CTNND2: variants seen among roughly 807,000 people sequenced by gnomAD.
CTNND2 encodes the protein catenin delta-2.
CTNND2 carries 22 observed loss-of-function variants against 144.4 expected under a neutral mutation model. That is an observed-to-expected ratio of 0.15 (90% CI 0.11 to 0.22). CTNND2 has a LOEUF of 0.22. CTNND2 is among the 10% of genes least tolerant of loss of function. The pLI, the probability that CTNND2 is intolerant of heterozygous loss-of-function variation, is 1.00. For synonymous variants in CTNND2, 751 were observed against 695.6 expected (o/e 1.08, Z -1.25); for missense variants, 1,353 against 1,618.8 (o/e 0.84, Z 2.82).
At chr5:11,577,960 C>T (rs1380706335) in intron 2 of CTNND2, among the ~76,000 whole-genome samples, 13 of 152,310 alleles carry the variant, frequency 8.5e-5, no homozygotes, top group Admixed American at 5.9e-4. Context: ...TCCCTGTCAA[C>T]AGTAGAGCTT....
At chr5:11,880,673 T>C (rs1459145680) in intron 1 of CTNND2, among the ~76,000 whole-genome samples, 2 of 104,218 alleles carry the variant, frequency 1.9e-5, no homozygotes, top group African/African-American at 7.7e-5. Context: ...CTACTACTAC[T>C]CTACCACTAC....
At chr5:11,248,804 A>G (rs540108298) in intron 9 of CTNND2, among the ~76,000 whole-genome samples, 2 of 152,356 alleles carry the variant, frequency 1.3e-5, no homozygotes, top group East Asian at 1.9e-4. Flanking sequence ...AATGTGAACC[A>G]TGAACACATA....
intron 12 of CTNND2, among the ~76,000 whole-genome samples, chr5:11,139,633 T>C (rs1416662007): frequency 6.6e-6 from 1 of 152,236 alleles, no homozygotes; most frequent in Non-Finnish European, 1.5e-5. Flanking sequence ...CTCTGCTCCC[T>C]GAGTGCTGAG....
intron 2 of CTNND2, among the ~76,000 whole-genome samples, chr5:11,648,643 T>C (rs1308428107): frequency 6.6e-6 from 1 of 152,178 alleles, no homozygotes; most frequent in Non-Finnish European, 1.5e-5. Context: ...CTTAGCACTA[T>C]TTATTTAATT....
At chr5:11,717,239 T>A (rs1441579053) in intron 2 of CTNND2, among the ~76,000 whole-genome samples, 3 of 152,088 alleles carry the variant, frequency 2.0e-5, no homozygotes, top group Non-Finnish European at 4.4e-5. Flanking sequence ...AAAATGAGTT[T>A]CACCTTACTC....
chr5:11,149,698 G>C (rs912725471), intron 12 of CTNND2, among the ~76,000 whole-genome samples: 1 of 152,116 alleles, frequency 6.6e-6, no homozygotes, highest in Non-Finnish European at 1.5e-5. Flanking sequence ...TTATGTAGCA[G>C]ACTGAAAAAC....
chr5:11,129,307 T>TATAATATATATA (rs1181916324), intron 12 of CTNND2, among the ~76,000 whole-genome samples: 38 of 96,884 alleles, frequency 3.9e-4, no homozygotes, highest in African/African-American at 1.5e-3. Flanking sequence ...ATATATTATA[T>TATAATATATATA]ATATAAATAT....
chr5:11,159,891 G>A, intron 11 of CTNND2, 132 bp from the exon 12 acceptor site: 1 of 635,564 alleles, frequency 1.6e-6, no homozygotes, highest in Non-Finnish European at 2.6e-6. Flanking sequence ...CCTAGAGTGT[G>A]TCCTTAATTT....
intron 6 of CTNND2, among the ~76,000 whole-genome samples, chr5:11,388,195 T>C (rs1274594873): frequency 6.6e-6 from 1 of 152,242 alleles, no homozygotes; most frequent in Non-Finnish European, 1.5e-5. Flanking sequence ...TATTGTCCAC[T>C]GTGTACTAAA....
chr5:11,426,792 C>G (rs996338142), intron 3 of CTNND2, among the ~76,000 whole-genome samples: 6 of 152,166 alleles, frequency 3.9e-5, no homozygotes, highest in African/African-American at 1.2e-4. Flanking sequence ...CTTTCTTACT[C>G]AGGTTAGCCA....
At chr5:11,783,709 G>C (rs1790681307) in intron 1 of CTNND2, among the ~76,000 whole-genome samples, 1 of 152,194 alleles carries the variant, frequency 6.6e-6, no homozygotes, top group Admixed American at 6.5e-5. Context: ...CAATGGAGGA[G>C]AAACTTCTTT....
chr5:11,251,158 T>C (rs1200565878), intron 9 of CTNND2, among the ~76,000 whole-genome samples: 1 of 152,224 alleles, frequency 6.6e-6, no homozygotes, highest in Non-Finnish European at 1.5e-5. Context: ...GCCGGAGTGT[T>C]TCGGCTGCTT....
chr5:11,008,941 C>T (rs530256170), intron 18 of CTNND2, among the ~76,000 whole-genome samples: 3 of 152,268 alleles, frequency 2.0e-5, no homozygotes, highest in African/African-American at 7.2e-5. Flanking sequence ...AGATTCAGTG[C>T]CAGAGGTGAA....
rs150868341 is a variant in CTNND2, at chr5:11,616,523, C to T, written c.175-51467G>A. 6.2e-3 allele frequency among the ~76,000 whole-genome samples: 936 copies of T among 151,894 alleles called. 4 individuals are homozygous for T. Among genetic ancestry groups the T allele is most frequent in the Non-Finnish European group, 9.9e-3 (672 of 67,958 alleles). ...ATTTCTACCTGTTTTTCCTTCCTTCCTTGCTTCCTTCCTTCCTTGCTTCCT... is the reference window on the plus strand; with the variant it reads ...ATTTCTACCTGTTTTTCCTTCCTTCTTTGCTTCCTTCCTTCCTTGCTTCCT... On this transcript the variant is annotated intron_variant, in intron 2 of 21. Coordinates refer to ENST00000304623, the MANE Select transcript of CTNND2 (RefSeq NM_001332.4).
chr5:11,736,573 C>T (rs917707875), intron 1 of CTNND2, among the ~76,000 whole-genome samples: 5 of 152,082 alleles, frequency 3.3e-5, no homozygotes, highest in Non-Finnish European at 7.4e-5. Flanking sequence ...GAGAGGAAAC[C>T]ACAAAAGACC....
chr5:11,457,822 T>A (rs34892202), intron 3 of CTNND2, among the ~76,000 whole-genome samples: 20 of 152,220 alleles, frequency 1.3e-4, no homozygotes, highest in Admixed American at 9.8e-4. Flanking sequence ...ACTCATTCCA[T>A]GACAGCTGTT....
At chr5:11,464,422 A>G (rs1766481380) in intron 3 of CTNND2, among the ~76,000 whole-genome samples, 1 of 152,066 alleles carries the variant, frequency 6.6e-6, no homozygotes, top group Non-Finnish European at 1.5e-5. Context: ...CTCCAGGGAG[A>G]AAGTGCCCAA....
chr5:11,577,719 T>C (rs1778075075), intron 2 of CTNND2, among the ~76,000 whole-genome samples: 1 of 152,222 alleles, frequency 6.6e-6, no homozygotes, highest in South Asian at 2.1e-4. Flanking sequence ...AAGGTTGATA[T>C]TCAACAATGA....
chr5:11,551,193 CA>C (rs1775727310), intron 3 of CTNND2, among the ~76,000 whole-genome samples: 1 of 152,172 alleles, frequency 6.6e-6, no homozygotes, highest in South Asian at 2.1e-4. Flanking sequence ...CCTTACCCAA[CA>C]CCAGTGTACC....
Sources: allele counts gnomAD v4.1 joint callset (sites outside exome capture counted in the v4.1 genomes callset), GRCh38; gene constraint gnomAD v4.1.1; transcripts MANE v1.5; gene names NCBI Gene and HGNC (gene_info 2026-07-23, HGNC 2026-07-21).